The following SPPL3 variants were observed in gnomAD, a reference collection of about 807,000 sequenced individuals.
SPPL3 encodes the protein signal peptide peptidase-like 3.
SPPL3 carries 5 observed loss-of-function variants against 42.4 expected under a neutral mutation model. The observed-to-expected ratio is 0.12, with a 90% CI of 0.06 to 0.25. SPPL3 has a LOEUF of 0.25. SPPL3 is among the 10% of genes least tolerant of loss of function. The pLI, the probability that SPPL3 is intolerant of heterozygous loss-of-function variation, is 1.00. For missense variants in SPPL3, 235 were observed against 489.0 expected (o/e 0.48, Z 4.90); for synonymous variants, 195 against 181.8 (o/e 1.07, Z -0.58).
intron 1 of SPPL3, among the ~76,000 whole-genome samples, chr12:120,845,858 T>TTTATC (rs1872013170): frequency 6.8e-6 from 1 of 147,302 alleles, no homozygotes; most frequent in South Asian, 2.2e-4. Flanking sequence ...TTAGAATCCA[T>TTTATC]TATCTATCTA....
chr12:120,901,029 C>T (rs964119110), intron 1 of SPPL3, among the ~76,000 whole-genome samples: 2 of 151,520 alleles, frequency 1.3e-5, no homozygotes, highest in Non-Finnish European at 1.5e-5. Flanking sequence ...AATCAGTCTA[C>T]ATAGACTACT....
At chr12:120,887,808 A>G (rs950518627) in intron 1 of SPPL3, among the ~76,000 whole-genome samples, 4 of 152,228 alleles carry the variant, frequency 2.6e-5, no homozygotes, top group Non-Finnish European at 4.4e-5. Context: ...TAAAACCACA[A>G]TGAGATATGA....
Position 120,844,868 on chromosome 12 carries a change from T to TA in SPPL3, c.24-33983dup, listed in dbSNP as rs775732238. Among the ~76,000 whole-genome samples the TA allele has an allele frequency of 3.6e-3, 510 of 140,848 alleles. 1 individual carries two copies. The highest frequency in any genetic ancestry group is 9.1e-3 in the African/African-American group (349 of 38,444). 92.4% of individuals were successfully genotyped at this position (140,848 alleles called of 152,430 possible). A position where few individuals can be genotyped will look rare whatever the true frequency, so the allele number is the denominator to read the frequency against. ...GAAAGTTGACTTTCCTTTTTACAAT[T>TA]AAAAAAAAAAAAAGCTGACTAATAT... On this transcript the variant is annotated intron_variant, in intron 1 of 10. Coordinates refer to ENST00000353487, the MANE Select transcript of SPPL3 (RefSeq NM_139015.5).
At chr12:120,783,311 C>A (rs959736398) in intron 5 of SPPL3, among the ~76,000 whole-genome samples, 2 of 152,072 alleles carry the variant, frequency 1.3e-5, no homozygotes, top group Admixed American at 1.3e-4. Flanking sequence ...ATCTAGGCCA[C>A]CGAAGACCAA....
At chr12:120,880,709 C>T (rs754856939) in intron 1 of SPPL3, among the ~76,000 whole-genome samples, 8 of 151,766 alleles carry the variant, frequency 5.3e-5, no homozygotes, top group Non-Finnish European at 1.2e-4. Context: ...ATCGCTTGAA[C>T]CCGGAAGGCA....
rs1335423070 is a variant in SPPL3 at position 120,762,929 on chromosome 12, T to C, written c.*2070A>G. ...GCACTTGCCCTTAATCCGAGTCATT[T>C]TGGAGCCCCCCTCTCTGTCTCTGGG... On this transcript the variant is annotated 3_prime_UTR_variant, in exon 11 of 11. Coordinates refer to ENST00000353487, the MANE Select transcript of SPPL3 (RefSeq NM_139015.5). The C allele has an allele frequency of 1.3e-5, 2 of 152,384 alleles. No homozygotes were observed. 9.4% of individuals were successfully genotyped at this position (152,384 alleles called of 1,614,324 possible).
chr12:120,884,795 GTTTTTTTTTTGGGT>G (rs1434371167), intron 1 of SPPL3, among the ~76,000 whole-genome samples: 17 of 118,012 alleles, frequency 1.4e-4, no homozygotes, highest in South Asian at 5.8e-4. Context: ...GTTTTTTTGG[GTTTTTTTTTTGGGT>G]TTTTTTTTTT....
intron 1 of SPPL3, among the ~76,000 whole-genome samples, chr12:120,832,396 G>C (rs536998095): frequency 6.6e-6 from 1 of 152,296 alleles, no homozygotes; most frequent in South Asian, 2.1e-4. Flanking sequence ...TTGGGGCCAG[G>C]CACGGTGGCT....
intron 1 of SPPL3, among the ~76,000 whole-genome samples, chr12:120,876,016 A>AACC (rs1566067012): frequency 7.6e-5 from 11 of 144,012 alleles, no homozygotes; most frequent in Non-Finnish European, 1.4e-4. Context: ...AAACAAACAG[A>AACC]CCCCCCCCAC....
intron 1 of SPPL3, among the ~76,000 whole-genome samples, chr12:120,842,947 T>C (rs1871880708): frequency 6.6e-6 from 1 of 152,186 alleles, no homozygotes; most frequent in South Asian, 2.1e-4. Context: ...ACTTAGAAAC[T>C]GGAGGAGGCA....
chr12:120,853,579 AG>A (rs1418534349), intron 1 of SPPL3, among the ~76,000 whole-genome samples: 1 of 152,224 alleles, frequency 6.6e-6, no homozygotes, highest in Non-Finnish European at 1.5e-5. Context: ...GCACATGGAA[AG>A]GAAGTTTCAG....
intron 1 of SPPL3, among the ~76,000 whole-genome samples, chr12:120,900,816 C>T (rs775600981): frequency 4.0e-5 from 6 of 150,366 alleles, no homozygotes; most frequent in Non-Finnish European, 8.8e-5. Flanking sequence ...CAGCCACCTG[C>T]AGGGCTGAGG....
At chr12:120,902,202 A>G (rs1186628215) in intron 1 of SPPL3, among the ~76,000 whole-genome samples, 1 of 152,236 alleles carries the variant, frequency 6.6e-6, no homozygotes, top group Non-Finnish European at 1.5e-5. Context: ...GTGTTCACCA[A>G]GATTTTAATT....
intron 1 of SPPL3, among the ~76,000 whole-genome samples, chr12:120,839,184 AATG>A (rs1376036832): frequency 6.6e-6 from 1 of 151,826 alleles, no homozygotes; most frequent in Non-Finnish European, 1.5e-5. Flanking sequence ...AGCCATAAAA[AATG>A]ATGAGTTCAT....
intron 1 of SPPL3, among the ~76,000 whole-genome samples, chr12:120,854,024 A>ACACACACACC: frequency 6.9e-6 from 1 of 144,650 alleles, no homozygotes; most frequent in Non-Finnish European, 1.5e-5. Context: ...ACACACACAC[A>ACACACACACC]CGGGGAAAAA....
intron 1 of SPPL3, among the ~76,000 whole-genome samples, chr12:120,842,227 C>A (rs1292816481): frequency 6.6e-6 from 1 of 152,168 alleles, no homozygotes. Flanking sequence ...GAAGAGGGAA[C>A]ACAGTTATAA....
rs1448149870 is a variant in SPPL3, at chr12:120,768,516, A to G, written c.610-28T>C. The G allele has an allele frequency of 3.1e-6, 5 of 1,595,130 alleles. No homozygotes were observed. In the Admixed American group the frequency reaches 8.5e-5, roughly 27 times the overall value. On this transcript the variant is annotated intron_variant, in intron 7 of 10. Coordinates refer to ENST00000353487, the MANE Select transcript of SPPL3 (RefSeq NM_139015.5). ...GCCGAGTTGGAGAGATGCCTTTAACAGAGGGAGTTGGAAGCAACCTGCTTT... is the reference window on the plus strand; with the variant it reads ...GCCGAGTTGGAGAGATGCCTTTAACGGAGGGAGTTGGAAGCAACCTGCTTT...
chr12:120,846,828 C>G (rs1872056361), intron 1 of SPPL3, among the ~76,000 whole-genome samples: 1 of 152,164 alleles, frequency 6.6e-6, no homozygotes, highest in Non-Finnish European at 1.5e-5. Flanking sequence ...GGAACAGATT[C>G]CATATTTTTG....
intron 2 of SPPL3, among the ~76,000 whole-genome samples, chr12:120,794,407 T>A (rs1223133304): frequency 6.6e-6 from 1 of 152,180 alleles, no homozygotes; most frequent in African/African-American, 2.4e-5. Flanking sequence ...TTTTTATTTT[T>A]ATTTTTTTGA....
Sources: gnomAD v4.1 joint callset for allele counts (sites outside exome capture counted in the v4.1 genomes callset) on GRCh38, gnomAD v4.1.1 for gene constraint, MANE v1.5 for transcripts, NCBI Gene and HGNC (gene_info 2026-07-23, HGNC 2026-07-21) for gene names.